PCDH9: variants seen among roughly 807,000 people sequenced by gnomAD.
PCDH9 encodes protocadherin-9.
Under a neutral mutation model 70.6 loss-of-function variants are expected in PCDH9, and 24 were observed. The ratio of observed to expected loss-of-function variants is 0.34; its 90% CI spans 0.25 to 0.48. PCDH9 has a LOEUF of 0.48. PCDH9 is among the 20% of genes least tolerant of loss of function. The pLI, the probability that PCDH9 is intolerant of heterozygous loss-of-function variation, is 0.99. For synonymous variants in PCDH9, 562 were observed against 558.5 expected (o/e 1.01, Z -0.09); for missense variants, 1,281 against 1,503.6 (o/e 0.85, Z 2.45).
At chr13:66,798,437 T>A (rs931600472) in intron 3 of PCDH9, among the ~76,000 whole-genome samples, 3 of 152,120 alleles carry the variant, frequency 2.0e-5, no homozygotes, top group Admixed American at 6.6e-5. Context: ...AGACACTGAA[T>A]CTAGACAAAA....
chr13:67,226,673 T>G lies in PCDH9; in HGVS notation c.1768A>C (p.Thr590Pro). 1 of 1,613,946 alleles carries G rather than the reference T, an allele frequency of 6.2e-7. No homozygotes were observed. The highest frequency in any genetic ancestry group is 8.5e-7 in the Non-Finnish European group (1 of 1,179,800). Residue 590 changes from threonine to proline, a missense_variant, in exon 2 of 5, where the codon ACT becomes CCT. By Grantham distance (38) the Thr-to-Pro change is conservative. Transcript: ENST00000377865. The surrounding 1 kb of genome is among the most constrained non-coding windows in gnomAD (Gnocchi z 5.0). ...TCTGTCACTGTGATTACCCCCACAGTACTATACTTTGGCAGATTCTCAGAC... is the reference window on the plus strand; with the variant it reads ...TCTGTCACTGTGATTACCCCCACAGGACTATACTTTGGCAGATTCTCAGAC... ...FVSENLPKYSTVGVITVTDAD... is the reference protein window; with the variant it reads ...FVSENLPKYSPVGVITVTDAD...
chr13:66,939,558 T>A (rs2082974463), intron 2 of PCDH9, among the ~76,000 whole-genome samples: 2 of 151,816 alleles, frequency 1.3e-5, no homozygotes, highest in Admixed American at 6.6e-5. Flanking sequence ...TGCCTCAGTC[T>A]CCCGAGTAGC....
intron 4 of PCDH9, among the ~76,000 whole-genome samples, chr13:66,447,057 T>C (rs1593994635): frequency 1.3e-5 from 2 of 152,168 alleles, no homozygotes; most frequent in Admixed American, 1.3e-4. Context: ...AAACATTGTT[T>C]TCTTAACTCT....
At chr13:66,548,257 A>C (rs887937486) in intron 4 of PCDH9, among the ~76,000 whole-genome samples, 6 of 152,054 alleles carry the variant, frequency 3.9e-5, no homozygotes, top group Non-Finnish European at 8.8e-5. Flanking sequence ...TTCTTATTTA[A>C]AATTTTTTTA....
chr13:66,506,152 T>C (rs536300971), intron 4 of PCDH9, among the ~76,000 whole-genome samples: 29 of 152,258 alleles, frequency 1.9e-4, no homozygotes, highest in African/African-American at 7.0e-4. Context: ...TTCCTTATCC[T>C]TGTCAAGTAG....
At chr13:66,441,366 G>A (rs1957970618) in intron 4 of PCDH9, among the ~76,000 whole-genome samples, 1 of 152,042 alleles carries the variant, frequency 6.6e-6, no homozygotes, top group Admixed American at 6.6e-5. Context: ...TCTGTCCTTG[G>A]TTTTAATTTG....
chr13:66,685,902 C>G (rs774981190), intron 3 of PCDH9, among the ~76,000 whole-genome samples: 12 of 152,154 alleles, frequency 7.9e-5, no homozygotes, highest in Non-Finnish European at 1.3e-4. Context: ...ATGCCTGTGC[C>G]TTCATTGTAT....
intron 4 of PCDH9, among the ~76,000 whole-genome samples, chr13:66,467,114 T>A (rs1377948877): frequency 6.6e-6 from 1 of 151,952 alleles, no homozygotes; most frequent in Non-Finnish European, 1.5e-5. Flanking sequence ...AATGTGATAA[T>A]CTAAGGGAGC....
At chr13:67,006,392 G>A (rs1302087295) in intron 2 of PCDH9, among the ~76,000 whole-genome samples, 3 of 152,178 alleles carry the variant, frequency 2.0e-5, no homozygotes, top group Non-Finnish European at 2.9e-5. Flanking sequence ...TGATAATCTA[G>A]GTCATTGGTT....
chr13:67,056,684 G>T (rs915756506), intron 2 of PCDH9, among the ~76,000 whole-genome samples: 1 of 152,084 alleles, frequency 6.6e-6, no homozygotes, highest in Admixed American at 6.6e-5. Flanking sequence ...TCTGCAAAGT[G>T]AGGATAAAAA....
intron 2 of PCDH9, among the ~76,000 whole-genome samples, chr13:66,959,920 T>C (rs1157312273): frequency 6.6e-6 from 1 of 152,128 alleles, no homozygotes; most frequent in African/African-American, 2.4e-5. Context: ...TTTTTCACAG[T>C]TTCTGAACCC....
chr13:67,228,180 T>C lies in PCDH9; in HGVS notation c.261A>G (p.Thr87=). The C allele has an allele frequency of 6.2e-7, 1 of 1,613,474 alleles. No homozygotes were observed. Residue 87 remains threonine (T), a synonymous_variant, in exon 2 of 5, where the codon ACA becomes ACG. Coordinates refer to ENST00000377865, the MANE Select transcript of PCDH9 (RefSeq NM_203487.3). ...TTTCTCTGTCTATTCTGTTGGAGGT[T>C]GTGAAAATTTCCCCAGTGCTGCTGG... ...KVSSSTGEIF[T]TSNRIDREKL... is the part of the protein sequence containing the mutation.
intron 2 of PCDH9, among the ~76,000 whole-genome samples, chr13:67,117,487 C>T (rs1419602119): frequency 1.3e-5 from 2 of 152,056 alleles, no homozygotes; most frequent in Non-Finnish European, 2.9e-5. Flanking sequence ...ATAAACATCA[C>T]TGAGCATCAC....
intron 2 of PCDH9, among the ~76,000 whole-genome samples, chr13:67,089,148 C>G (rs934555890): frequency 3.9e-5 from 6 of 151,946 alleles, no homozygotes; most frequent in African/African-American, 1.4e-4. Context: ...AAATCCAATT[C>G]CACACTGAGA....
intron 3 of PCDH9, among the ~76,000 whole-genome samples, chr13:66,674,451 C>A (rs1005414837): frequency 6.6e-6 from 1 of 151,970 alleles, no homozygotes; most frequent in African/African-American, 2.4e-5. Context: ...ACATGAAAAA[C>A]AAATAGGAGA....
chr13:66,923,654 A>C (rs980940238), intron 2 of PCDH9, among the ~76,000 whole-genome samples: 1 of 151,684 alleles, frequency 6.6e-6, no homozygotes, highest in South Asian at 2.1e-4. Context: ...ATAGATAAGG[A>C]AACTGAAGCA....
chr13:66,556,599 T>C (rs1961751409), intron 4 of PCDH9, among the ~76,000 whole-genome samples: 1 of 152,208 alleles, frequency 6.6e-6, no homozygotes, highest in Admixed American at 6.5e-5. Context: ...GATTTATATG[T>C]TGTAAATGGT....
intron 3 of PCDH9, among the ~76,000 whole-genome samples, chr13:66,649,924 T>G (rs1450690341): frequency 6.6e-6 from 1 of 151,570 alleles, no homozygotes; most frequent in Non-Finnish European, 1.5e-5. Context: ...TAATGCATTA[T>G]AAGATATTAT....
At chr13:66,854,742 C>T (rs995960418) in intron 3 of PCDH9, among the ~76,000 whole-genome samples, 1 of 151,962 alleles carries the variant, frequency 6.6e-6, no homozygotes, top group African/African-American at 2.4e-5. Flanking sequence ...ATATGCTTTA[C>T]AGAGGAAATG....
Sources: gnomAD v4.1 joint callset for allele counts (sites outside exome capture counted in the v4.1 genomes callset) on GRCh38, gnomAD v4.1.1 for gene constraint, Gnocchi (gnomAD v3.1) non-coding constraint, MANE v1.5 for transcripts, NCBI Gene and HGNC (gene_info 2026-07-23, HGNC 2026-07-21) for gene names.